ATP10A: variants seen among roughly 807,000 people sequenced by gnomAD.
ATP10A encodes ATPase phospholipid transporting 10A (putative).
A neutral mutation model predicts 147.8 loss-of-function variants in ATP10A; 111 were observed. The observed-to-expected ratio is 0.75, with a 90% confidence interval of 0.64 to 0.88. The LOEUF (loss-of-function observed/expected upper bound fraction) is 0.88, where lower values mean the gene tolerates loss of function less well. Among genes scored for constraint, ATP10A ranks in the 40% least tolerant of loss-of-function variants. The pLI, the probability that ATP10A is intolerant of heterozygous loss-of-function variation, is 0.00. For synonymous variants in ATP10A, 875 were observed against 841.6 expected, an observed-to-expected ratio of 1.04 and a Z score of -0.69; for missense variants, 1,927 against 1,959.0, an observed-to-expected ratio of 0.98 and a Z score of 0.31.
intron 1 of ATP10A, among the ~76,000 whole-genome samples, chr15:25,847,783 A>T (rs1445306524): frequency 6.6e-5 from 10 of 151,708 alleles, no homozygotes; most frequent in Non-Finnish European, 1.3e-4. Flanking sequence ...GGCATGCACC[A>T]CCATGCCCAG....
intron 2 of ATP10A, among the ~76,000 whole-genome samples, chr15:25,770,048 G>C (rs905737849): frequency 6.6e-6 from 1 of 152,150 alleles, no homozygotes; most frequent in African/African-American, 2.4e-5. Flanking sequence ...CCAGACTCCG[G>C]AACTGTGAGA....
At chr15:25,798,978 T>G (rs1479853305) in intron 1 of ATP10A, among the ~76,000 whole-genome samples, 5 of 152,134 alleles carry the variant, frequency 3.3e-5, no homozygotes, top group Admixed American at 2.6e-4. Context: ...ACGGAGGCTA[T>G]GTGACTTTAA....
chr15:25,758,846 G>T (rs77174959), intron 2 of ATP10A, among the ~76,000 whole-genome samples: 4 of 121,048 alleles, frequency 3.3e-5, no homozygotes, highest in African/African-American at 7.7e-5. Flanking sequence ...AACTCATTCC[G>T]ATCACCTGCT....
At chr15:25,708,382 G>T (rs923301051) in intron 10 of ATP10A, 82 bp from the exon 11 acceptor site, 18 of 1,240,084 alleles carry the variant, frequency 1.5e-5, no homozygotes, top group Non-Finnish European at 1.9e-5. Context: ...TTTACCCCAC[G>T]TCTGTTCGTT....
At chr15:25,729,304 T>C (rs1016882368) in intron 3 of ATP10A, among the ~76,000 whole-genome samples, 4 of 152,190 alleles carry the variant, frequency 2.6e-5, no homozygotes, top group East Asian at 3.9e-4. Flanking sequence ...CTGATCAATA[T>C]GGTGAAACCC....
chr15:25,750,824 G>T (rs964036483), intron 2 of ATP10A, among the ~76,000 whole-genome samples: 3 of 152,026 alleles, frequency 2.0e-5, no homozygotes, highest in African/African-American at 7.2e-5. Context: ...TAATATCACT[G>T]AAAGGATAGA....
chr15:25,864,765 C>A (rs1893916247), upstream of ATP10A, among the ~76,000 whole-genome samples: 1 of 152,172 alleles, frequency 6.6e-6, no homozygotes, highest in Non-Finnish European at 1.5e-5. Flanking sequence ...GGAGCATCAA[C>A]TGCAAATGAA....
chr15:25,722,501 C>T (rs1902305968), intron 6 of ATP10A, among the ~76,000 whole-genome samples: 2 of 152,130 alleles, frequency 1.3e-5, no homozygotes, highest in Admixed American at 6.6e-5. Context: ...CAATTCTCCT[C>T]GATATTAATG....
chr15:25,749,063 A>C (rs1888010361), intron 2 of ATP10A, among the ~76,000 whole-genome samples: 1 of 140,792 alleles, frequency 7.1e-6, no homozygotes, highest in Admixed American at 7.0e-5. Context: ...ACTCTGTCAA[A>C]AAAAAAAAAA....
intron 1 of ATP10A, among the ~76,000 whole-genome samples, chr15:25,841,997 G>A (rs1373908605): frequency 6.6e-6 from 1 of 152,196 alleles, no homozygotes; most frequent in Non-Finnish European, 1.5e-5. Flanking sequence ...CTGTGAAATT[G>A]GTTGTAGGTT....
At chr15:25,742,008 G>A (rs1887602767) in intron 2 of ATP10A, among the ~76,000 whole-genome samples, 1 of 152,242 alleles carries the variant, frequency 6.6e-6, no homozygotes, top group Non-Finnish European at 1.5e-5. Context: ...GAATAGAAAT[G>A]AGCATGAAAC....
At chr15:25,692,679 G>A (rs1211989843) in intron 14 of ATP10A, among the ~76,000 whole-genome samples, 1 of 152,176 alleles carries the variant, frequency 6.6e-6, no homozygotes, top group Non-Finnish European at 1.5e-5. Flanking sequence ...TCCCCAGAAT[G>A]TCCCATTTAA....
chr15:25,679,628 T>A lies in ATP10A; in HGVS notation c.4213A>T (p.Ser1405Cys). Residue 1405 changes from serine to cysteine, a missense_variant, in exon 21 of 21, where the codon AGT (serine) becomes TGT (cysteine). Ser to Cys is a moderately radical substitution (Grantham distance 112). Coordinates refer to ENST00000555815, the MANE Select transcript of ATP10A (RefSeq NM_024490.4). ...GACTCCTCAGGACACCCTCCTGGAC[T>A]CCTCAGGACAGCCTCCCCTGGCGCA... ...SSAPGEAVLR[S>C]PGGCPEESKV... The A allele has an allele frequency of 6.2e-7, 1 of 1,613,108 alleles. No individual in the cohort carries two copies. The highest frequency in any genetic ancestry group is 8.5e-7 in the Non-Finnish European group (1 of 1,179,754).
At position 25,687,878 on chromosome 15, in the gene ATP10A, G is replaced by A. The variant is rs775310491; in HGVS notation, c.3166-50C>T. The A allele has an allele frequency of 2.7e-5, 43 of 1,612,064 alleles. 1 individual carries two copies. In the South Asian group the frequency reaches 4.7e-4, roughly 18 times the overall value. ...TACTGGTGATGCCGACCTGGCGTCA[G>A]ATTTGTCTTCTCTTCTCAAAATGCA... On this transcript the variant is annotated intron_variant, in intron 15 of 20. Coordinates refer to ENST00000555815, the MANE Select transcript of ATP10A (RefSeq NM_024490.4).
At chr15:25,792,798 G>C (rs1054882207) in intron 1 of ATP10A, among the ~76,000 whole-genome samples, 7 of 151,650 alleles carry the variant, frequency 4.6e-5, no homozygotes, top group African/African-American at 1.7e-4. Context: ...TCATCGCTGA[G>C]ACCATCTTTA....
chr15:25,848,499 T>A (rs934741590), intron 1 of ATP10A, among the ~76,000 whole-genome samples: 18 of 151,986 alleles, frequency 1.2e-4, no homozygotes, highest in African/African-American at 4.1e-4. Context: ...CTGACATGGA[T>A]CTTACTGGGT....
Position 25,680,217 on chromosome 15 carries a change from G to A in ATP10A, c.3770C>T (p.Pro1257Leu), listed in dbSNP as rs772134207. 12 of 1,614,026 alleles carry A rather than the reference G, an allele frequency of 7.4e-6. No homozygotes were observed. The highest frequency in any genetic ancestry group is 6.7e-5 in the Admixed American group (4 of 59,998). ...CATAGTCCAGTAAGGGTTGGACGGA[G>A]GATAGCACGTGGCACAAGACGCATT... Reference protein sequence around the residue: ...IYNASCATCYPPSNPYWTMQA... With the variant: ...IYNASCATCYLPSNPYWTMQA... The change falls in exon 20 of 21, where the codon CCT becomes CTT. Residue 1257 changes from proline to leucine, a missense_variant. Coordinates refer to ENST00000555815, the MANE Select transcript of ATP10A (RefSeq NM_024490.4).
chr15:25,731,965 C>T (rs1399324971), intron 3 of ATP10A, among the ~76,000 whole-genome samples: 1 of 152,146 alleles, frequency 6.6e-6, no homozygotes, highest in Non-Finnish European at 1.5e-5. Flanking sequence ...AAGCCATCCT[C>T]CCACCTCAAC....
rs1384406109 is a variant in ATP10A at position 25,679,404 on chromosome 15, T to G, written c.4437A>C (p.Arg1479=). Residue 1479 remains arginine, a synonymous_variant, in exon 21 of 21, where the codon CGA becomes CGC. Coordinates refer to ENST00000555815, the MANE Select transcript of ATP10A (RefSeq NM_024490.4). Reference sequence around the variant, plus strand: ...TGTGGTCTGGCCCTTGAAGTCCTGATCGGCCTGAGTGGGGCTGGACAGGAA... The same window carrying G: ...TGTGGTCTGGCCCTTGAAGTCCTGAGCGGCCTGAGTGGGGCTGGACAGGAA... The part of the protein sequence containing the change: ...RGLPVQPHSG[R]SGLQGPDHRL... 5.0e-6 allele frequency: 8 copies of G among 1,612,066 alleles called. No homozygotes were observed. The African/African-American group carries it at 1.1e-4, about 22-fold the overall frequency.
Sources: gnomAD v4.1 joint callset for allele counts (sites outside exome capture counted in the v4.1 genomes callset) on GRCh38, gnomAD v4.1.1 for gene constraint, MANE v1.5 for transcripts, NCBI Gene and HGNC (gene_info 2026-07-23, HGNC 2026-07-21) for gene names.